EBF3: variants seen among roughly 807,000 people sequenced by gnomAD.
The protein encoded by EBF3 is transcription factor COE3.
Under a neutral mutation model 77.1 loss-of-function variants are expected in EBF3, and 18 were observed. That is an observed-to-expected ratio of 0.23 (90% confidence interval 0.16 to 0.35). The LOEUF (loss-of-function observed/expected upper bound fraction) is 0.35. Ranked by LOEUF, EBF3 falls within the 10% of genes least tolerant of loss-of-function variation. The probability of loss-of-function intolerance (pLI) is 1.00; values close to 1 mark genes in which losing one functional copy is unlikely to be tolerated. For missense variants in EBF3, 558 were observed against 860.0 expected (o/e 0.65, Z 4.39); for synonymous variants, 350 against 343.5 (o/e 1.02, Z -0.21).
At chr10:129,881,009 G>T (rs143440120) in intron 6 of EBF3, among the ~76,000 whole-genome samples, 1 of 152,286 alleles carries the variant, frequency 6.6e-6, no homozygotes, top group Middle Eastern at 3.4e-3. Flanking sequence ...AAGTCAAAAG[G>T]TAATTCTCAT....
chr10:129,851,345 C>G (rs533836680), intron 10 of EBF3, among the ~76,000 whole-genome samples: 8 of 152,198 alleles, frequency 5.3e-5, no homozygotes, highest in African/African-American at 1.9e-4. Context: ...TGTGGGTCCT[C>G]CCCCCACCCT....
chr10:129,891,251 T>C (rs1854001351), intron 6 of EBF3, among the ~76,000 whole-genome samples: 1 of 152,224 alleles, frequency 6.6e-6, no homozygotes, highest in South Asian at 2.1e-4. Flanking sequence ...AAGCTGATAC[T>C]CTGAGCCCTG....
At chr10:129,893,813 G>A (rs116373547) in intron 6 of EBF3, among the ~76,000 whole-genome samples, 3 of 152,326 alleles carry the variant, frequency 2.0e-5, no homozygotes, top group East Asian at 1.9e-4. Context: ...GACTCGGAAC[G>A]TCTGCTGAGG....
intron 7 of EBF3, among the ~76,000 whole-genome samples, chr10:129,877,032 G>A (rs535257946): frequency 1.8e-4 from 28 of 152,132 alleles, no homozygotes; most frequent in South Asian, 2.1e-4. Context: ...AGTAAACCTC[G>A]GGGGAAGGAA....
In EBF3 at chr10:129,907,429, G is replaced by A. The variant is rs545439108; in HGVS notation, c.555-29580C>T. Among the ~76,000 whole-genome samples the A allele has an allele frequency of 9.2e-5, 14 of 152,270 alleles. 1 individual carries two copies. In the South Asian group the frequency reaches 2.9e-3, roughly 32 times the overall value. On this transcript the variant is annotated intron_variant, in intron 6 of 16. Coordinates refer to ENST00000440978, the MANE Select transcript of EBF3 (RefSeq NM_001375380.1). ...TTTATATTTTGAATTAAAACAAATG[G>A]TCTCCTCTTAAACAGAATTTGATTA... is the stretch of plus-strand genomic sequence containing the variant.
At chr10:129,959,102 G>C in intron 4 of EBF3, 95 bp from the exon 5 acceptor site, 1 of 1,478,278 alleles carries the variant, frequency 6.8e-7, no homozygotes, top group Non-Finnish European at 9.3e-7. Context: ...GGCAGCAGGT[G>C]CACCACGCTC....
chr10:129,927,438 A>T (rs924225644), intron 6 of EBF3, among the ~76,000 whole-genome samples: 2 of 152,192 alleles, frequency 1.3e-5, no homozygotes, highest in Non-Finnish European at 2.9e-5. Context: ...CTCCCCTTAC[A>T]AAAGGCACAG....
chr10:129,900,489 G>A (rs568765672), intron 6 of EBF3, among the ~76,000 whole-genome samples: 3 of 152,342 alleles, frequency 2.0e-5, no homozygotes, highest in African/African-American at 7.2e-5. Context: ...GGTCCTGGGG[G>A]ACATCTGGTG....
chr10:129,959,740 CGGGAGGCCCAGGA>C (rs1019437035), intron 4 of EBF3, among the ~76,000 whole-genome samples: 168 of 151,946 alleles, frequency 1.1e-3, no homozygotes, highest in African/African-American at 3.9e-3. Context: ...GGAGCCCAGG[CGGGAGGCCCAGGA>C]GCAGCAACCG....
chr10:129,963,327 T>G lies in EBF3; in HGVS notation c.291+40A>C. On this transcript the variant is annotated intron_variant, in intron 2 of 16. Transcript: ENST00000440978. The surrounding 1 kb of genome is among the most constrained non-coding windows in gnomAD (Gnocchi z 7.1). ...GCACCGGCACCGCCTGCCTCCCGCTTCTAGAAAGAGAGAGGGTGTGATCGT... is the reference window on the plus strand; with the variant it reads ...GCACCGGCACCGCCTGCCTCCCGCTGCTAGAAAGAGAGAGGGTGTGATCGT... 1 of 1,554,942 alleles carries G rather than the reference T, an allele frequency of 6.4e-7. No individual in the cohort carries two copies. Among genetic ancestry groups the G allele is most frequent in the Non-Finnish European group, 8.7e-7 (1 of 1,153,044 alleles).
intron 4 of EBF3, 62 bp downstream of exon 4, chr10:129,962,109 T>C (rs1053658353): frequency 9.0e-6 from 14 of 1,562,212 alleles, no homozygotes; most frequent in African/African-American, 6.8e-5. Context: ...CCCTTGCCTC[T>C]GAAGCCCAGG....
Position 129,918,526 on chromosome 10 carries a change from C to T in EBF3, c.554+38732G>A, listed in dbSNP as rs529671355. ...ATGGAGCTTGGAGCTGCCATTTCTGCTTCCCTCAGCATCACCAGGCCTGCC... is the reference window on the plus strand; with the variant it reads ...ATGGAGCTTGGAGCTGCCATTTCTGTTTCCCTCAGCATCACCAGGCCTGCC... On this transcript the variant is annotated intron_variant, in intron 6 of 16. Coordinates refer to ENST00000440978, the MANE Select transcript of EBF3 (RefSeq NM_001375380.1). Among the ~76,000 whole-genome samples the T allele has an allele frequency of 2.4e-3, 362 of 152,336 alleles. 2 individuals carry two copies. Among genetic ancestry groups the T allele is most frequent in the Non-Finnish European group, 3.7e-3 (252 of 68,028 alleles).
At chr10:129,950,124 C>A (rs1432610164) in intron 6 of EBF3, among the ~76,000 whole-genome samples, 4 of 152,140 alleles carry the variant, frequency 2.6e-5, no homozygotes, top group Non-Finnish European at 5.9e-5. Context: ...GCAGCTCCGT[C>A]TTCCAGCAGA....
At chr10:129,960,123 A>C (rs577201362) in intron 4 of EBF3, among the ~76,000 whole-genome samples, 1 of 152,044 alleles carries the variant, frequency 6.6e-6, no homozygotes, top group Non-Finnish European at 1.5e-5. Flanking sequence ...GAAAAAAAAA[A>C]AAAGTCTACT....
chr10:129,928,274 C>CAA (rs1856800999), intron 6 of EBF3, among the ~76,000 whole-genome samples: 1 of 152,094 alleles, frequency 6.6e-6, no homozygotes. Flanking sequence ...TAAAAGTATA[C>CAA]AAAAAATATA....
chr10:129,865,654 C>A (rs1851955760), intron 10 of EBF3, among the ~76,000 whole-genome samples: 1 of 152,194 alleles, frequency 6.6e-6, no homozygotes, highest in South Asian at 2.1e-4. Flanking sequence ...TCCAGGCACA[C>A]CCTGGGGTGA....
At chr10:129,880,214 G>A (rs1853093976) in intron 6 of EBF3, among the ~76,000 whole-genome samples, 1 of 152,110 alleles carries the variant, frequency 6.6e-6, no homozygotes, top group Non-Finnish European at 1.5e-5. Flanking sequence ...ACAAAGTCGG[G>A]TGCTGGACCC....
At chr10:129,956,475 G>A (rs189399307) in intron 6 of EBF3, among the ~76,000 whole-genome samples, 33 of 152,270 alleles carry the variant, frequency 2.2e-4, no homozygotes, top group Admixed American at 7.2e-4. Flanking sequence ...GAAACCCAGC[G>A]AGTTGGGAGA....
intron 6 of EBF3, among the ~76,000 whole-genome samples, chr10:129,927,723 T>C (rs930073042): frequency 3.9e-5 from 6 of 152,172 alleles, no homozygotes; most frequent in Admixed American, 6.5e-5. Context: ...TGCCCTGAGA[T>C]GTCCCCTGAG....
Sources: allele counts gnomAD v4.1 joint callset (sites outside exome capture counted in the v4.1 genomes callset), GRCh38; gene constraint gnomAD v4.1.1; non-coding constraint Gnocchi (gnomAD v3.1); transcripts MANE v1.5; gene names NCBI Gene and HGNC (gene_info 2026-07-23, HGNC 2026-07-21).